The following PROM1 variants were observed in gnomAD, a reference collection of about 807,000 sequenced individuals.
PROM1 encodes the protein prominin-1.
PROM1 carries 105 observed loss-of-function variants against 116.9 expected under a neutral mutation model. The ratio of observed to expected loss-of-function variants is 0.90; its 90% CI spans 0.77 to 1.06. The LOEUF is 1.06. PROM1 is among the 50% of genes least tolerant of loss of function. PROM1 has a pLI of 0.00. For synonymous variants in PROM1, 393 were observed against 387.0 expected, an observed-to-expected ratio of 1.02 and a Z score of -0.18; for missense variants, 1,122 against 1,045.2, an observed-to-expected ratio of 1.07 and a Z score of -1.01.
chr4:16,006,595 T>C lies in PROM1; in HGVS notation c.1397A>G (p.His466Arg). The C allele has an allele frequency of 1.2e-6, 2 of 1,608,030 alleles. No homozygotes were observed. The highest frequency in any genetic ancestry group is 1.7e-4 in the Middle Eastern group (1 of 6,000). The change falls in exon 13 of 28, where the codon CAT becomes CGT. Residue 466 changes from histidine to arginine, a missense_variant. Physicochemically the swap from His to Arg is conservative, Grantham distance 29. Transcript: ENST00000447510. ...ACAGCCTCGGGTGGTCGGGGTGGCA[T>C]GCCTGTCATAGCCGCACACGCCACA... ...LLCGVCGYDR[H>R]ATPTTRGCVS...
In PROM1 at chr4:15,980,414, A is replaced by G. The variant is rs1433533825; in HGVS notation, c.2489+8T>C. ...GACCCCCACGTCTGTGGAAGCCCACATACTTACTCATCGTACACGTCCTCC... is the reference window on the plus strand; with the variant it reads ...GACCCCCACGTCTGTGGAAGCCCACGTACTTACTCATCGTACACGTCCTCC... On this transcript the variant is annotated splice_region_variant and intron_variant, in intron 24 of 27. Transcript: ENST00000447510. 2.6e-6 allele frequency: 4 copies of G among 1,523,880 alleles called. No homozygotes were observed. The highest frequency in any genetic ancestry group is 1.2e-5 in the South Asian group (1 of 82,136). 94.4% of individuals were successfully genotyped at this position (1,523,880 alleles called of 1,614,324 possible).
intron 2 of PROM1, among the ~76,000 whole-genome samples, chr4:16,064,761 C>T (rs12499162): frequency 0.057 from 8,666 of 152,048 alleles, 557 homozygotes; most frequent in East Asian, 0.3. Flanking sequence ...GGCATGGTGG[C>T]GGGCGCCTGT....
At chr4:15,986,180 C>T (rs1454546561) in intron 20 of PROM1, 143 bp from the exon 21 acceptor site, 4 of 603,510 alleles carry the variant, frequency 6.6e-6, no homozygotes, top group African/African-American at 5.5e-5. Context: ...CAGAACCCAC[C>T]CAGGCCCCTG....
Position 16,069,103 on chromosome 4 carries a change from C to T in PROM1, c.220+6584G>A, listed in dbSNP as rs577701267. 2.8e-4 allele frequency among the ~76,000 whole-genome samples: 43 copies of T among 152,236 alleles called. 1 individual carries two copies. The highest frequency in any genetic ancestry group is 8.9e-4 in the African/African-American group (37 of 41,548). ...TACAAAAATTAGCTAAGTATGGTGG[C>T]GCATGACTGTTATCCCAGCTACGCG... On this transcript the variant is annotated intron_variant, in intron 2 of 27. Coordinates refer to ENST00000447510, the MANE Select transcript of PROM1 (RefSeq NM_006017.3).
At chr4:16,009,737 C>T (rs546503156) in intron 11 of PROM1, among the ~76,000 whole-genome samples, 9 of 151,898 alleles carry the variant, frequency 5.9e-5, no homozygotes, top group Non-Finnish European at 1.3e-4. Flanking sequence ...GTCAGAAGTT[C>T]GAGACCAGCC....
chr4:16,020,822 G>A (rs569072055), intron 8 of PROM1, among the ~76,000 whole-genome samples: 4 of 152,144 alleles, frequency 2.6e-5, no homozygotes, highest in Non-Finnish European at 5.9e-5. Flanking sequence ...TTTTCCAAAA[G>A]CTTCAAAGTA....
At chr4:16,024,862 C>T (rs1464779088) in intron 6 of PROM1, among the ~76,000 whole-genome samples, 2 of 151,882 alleles carry the variant, frequency 1.3e-5, no homozygotes, top group African/African-American at 4.8e-5. Flanking sequence ...AACTATACTG[C>T]CAAAAAGAAA....
chr4:15,975,567 C>A (rs1715901758), intron 26 of PROM1, among the ~76,000 whole-genome samples: 1 of 152,146 alleles, frequency 6.6e-6, no homozygotes, highest in African/African-American at 2.4e-5. Context: ...AACTGAGTCT[C>A]AAGGACATTA....
chr4:16,020,328 T>A (rs1208426517), intron 8 of PROM1, among the ~76,000 whole-genome samples: 4 of 152,220 alleles, frequency 2.6e-5, no homozygotes, highest in Non-Finnish European at 5.9e-5. Flanking sequence ...TATTTAAGGT[T>A]GTAATAATAT....
intron 13 of PROM1, among the ~76,000 whole-genome samples, chr4:16,002,694 C>T (rs960838320): frequency 1.3e-5 from 2 of 152,102 alleles, no homozygotes; most frequent in African/African-American, 4.8e-5. Flanking sequence ...TGCCAGGATC[C>T]CTGTCTGAGC....
rs375585947 is a variant in PROM1 at position 16,027,036 on chromosome 4, C to T, written c.510-1724G>A. Among the ~76,000 whole-genome samples the T allele has an allele frequency of 5.9e-4, 90 of 152,284 alleles. 2 individuals carry two copies. The South Asian group carries it at 0.018, about 31-fold the overall frequency. On this transcript the variant is annotated intron_variant, in intron 5 of 27. Coordinates refer to ENST00000447510, the MANE Select transcript of PROM1 (RefSeq NM_006017.3). ...TCTAACTTAGATTAGATAAGTGCTT[C>T]TCAAGCTGTAAAGGAGAGTAGTACT...
At chr4:16,008,692 T>A (rs1726121194) in intron 12 of PROM1, among the ~76,000 whole-genome samples, 1 of 152,198 alleles carries the variant, frequency 6.6e-6, no homozygotes, top group Non-Finnish European at 1.5e-5. Context: ...GTGGACTGCT[T>A]TACAAATTTG....
Position 15,992,344 on chromosome 4 carries a change from A to G in PROM1, c.1815T>C (p.Leu605=). 1 of 1,613,996 alleles carries G rather than the reference A, an allele frequency of 6.2e-7. No homozygotes were observed. Among genetic ancestry groups the G allele is most frequent in the Non-Finnish European group, 8.5e-7 (1 of 1,179,880 alleles). The change falls in exon 17 of 28, where the codon CTT becomes CTC. Residue 605 remains leucine, a synonymous_variant. Coordinates refer to ENST00000447510, the MANE Select transcript of PROM1 (RefSeq NM_006017.3). ...CTGCTGCACCCAACAGAAAGATATT[A>G]AGATTTACCTTCAGACTTTCCAATT... ...SSELESLKVN[L]NIFLLGAAGR...
At chr4:16,037,077 C>CCCAGCT (rs1290662646) in intron 3 of PROM1, among the ~76,000 whole-genome samples, 2 of 152,188 alleles carry the variant, frequency 1.3e-5, no homozygotes, top group Non-Finnish European at 2.9e-5. Context: ...ACGGTGGCAG[C>CCCAGCT]CCAGCTCCAG....
chr4:16,063,454 A>C (rs1198309819), intron 2 of PROM1, among the ~76,000 whole-genome samples: 1 of 152,042 alleles, frequency 6.6e-6, no homozygotes, highest in African/African-American at 2.4e-5. Flanking sequence ...AAATTAGCCA[A>C]GCATGGTGGC....
At chr4:16,037,525 G>A (rs146052250) in intron 3 of PROM1, among the ~76,000 whole-genome samples, 7 of 152,250 alleles carry the variant, frequency 4.6e-5, no homozygotes, top group African/African-American at 1.7e-4. Flanking sequence ...CCGTATCTGA[G>A]GTAACGATTC....
intron 23 of PROM1, among the ~76,000 whole-genome samples, chr4:15,983,192 A>G (rs981407882): frequency 4.6e-5 from 7 of 152,224 alleles, no homozygotes; most frequent in Non-Finnish European, 1.0e-4. Context: ...AGCTCAGCCT[A>G]GTTTTGGGGA....
At chr4:16,011,551 C>A (rs1211314007) in intron 11 of PROM1, among the ~76,000 whole-genome samples, 1 of 152,192 alleles carries the variant, frequency 6.6e-6, no homozygotes, top group African/African-American at 2.4e-5. Flanking sequence ...GCACTCAATG[C>A]ACGCAGCACA....
intron 23 of PROM1, among the ~76,000 whole-genome samples, chr4:15,982,516 C>T (rs992577017): frequency 5.3e-5 from 8 of 152,188 alleles, no homozygotes; most frequent in Non-Finnish European, 1.0e-4. Context: ...CACAGTCTAT[C>T]GTATTGACTA....
Sources: gnomAD v4.1 joint callset for allele counts (sites outside exome capture counted in the v4.1 genomes callset) on GRCh38, gnomAD v4.1.1 for gene constraint, MANE v1.5 for transcripts, NCBI Gene and HGNC (gene_info 2026-07-23, HGNC 2026-07-21) for gene names.